The following ATXN7L1 variants were observed in gnomAD, a reference collection of about 807,000 sequenced individuals.
ATXN7L1 encodes ataxin 7 like 1.
ATXN7L1 carries 15 observed loss-of-function variants against 70.8 expected under a neutral mutation model. That is an observed-to-expected ratio of 0.21 (90% CI 0.14 to 0.33). The LOEUF is 0.33. ATXN7L1 is among the 10% of genes least tolerant of loss of function. The pLI, the probability that ATXN7L1 is intolerant of heterozygous loss-of-function variation, is 1.00. For synonymous variants in ATXN7L1, 440 were observed against 445.1 expected, an observed-to-expected ratio of 0.99 and a Z score of 0.14; for missense variants, 975 against 1,097.1, an observed-to-expected ratio of 0.89 and a Z score of 1.57.
In ATXN7L1 at chr7:105,614,156, G is replaced by C. The variant is rs147930086; in HGVS notation, c.2178C>G (p.Pro726=). ...PSGRTSLPGG[P]ADIVRQVGAV... is the part of the protein sequence containing the mutation. ...CGCCCACCTGTCTCACTATGTCCGC[G>C]GGGCCGCCGGGCAGCGAGGTCCGTC... is the stretch of plus-strand genomic sequence containing the variant. The change falls in exon 10 of 12, where the codon CCC becomes CCG. Residue 726 remains proline (P), a synonymous_variant. Transcript: ENST00000419735. The surrounding 1 kb of genome is among the most constrained non-coding windows in gnomAD (Gnocchi z 4.3). 1.1e-5 allele frequency: 17 copies of C among 1,551,558 alleles called. No individual in the cohort carries two copies. Among genetic ancestry groups the C allele is most frequent in the African/African-American group, 4.1e-5 (3 of 73,062 alleles).
intron 2 of ATXN7L1, among the ~76,000 whole-genome samples, chr7:105,821,046 G>A (rs969907309): frequency 6.6e-6 from 1 of 152,116 alleles, no homozygotes; most frequent in Non-Finnish European, 1.5e-5. Context: ...TGTTGCTGTT[G>A]TTTGTTTTTT....
intron 4 of ATXN7L1, among the ~76,000 whole-genome samples, chr7:105,647,230 A>AACATAACG (rs765370470): frequency 5.9e-5 from 9 of 152,244 alleles, no homozygotes; most frequent in Non-Finnish European, 1.2e-4. Flanking sequence ...GGTACGAGTT[A>AACATAACG]ACATAACGCC....
chr7:105,667,057 A>G (rs1302667921), intron 3 of ATXN7L1, among the ~76,000 whole-genome samples: 1 of 152,222 alleles, frequency 6.6e-6, no homozygotes, highest in Non-Finnish European at 1.5e-5. Flanking sequence ...TGATTCCTGG[A>G]TGTCAGAGCA....
intron 3 of ATXN7L1, among the ~76,000 whole-genome samples, chr7:105,786,878 C>T (rs1046569318): frequency 6.6e-6 from 1 of 152,190 alleles, no homozygotes; most frequent in African/African-American, 2.4e-5. Context: ...ATAACAGCTG[C>T]ACATCCTTGT....
intron 3 of ATXN7L1, among the ~76,000 whole-genome samples, chr7:105,779,337 C>T (rs1038503046): frequency 1.3e-5 from 2 of 152,176 alleles, no homozygotes; most frequent in Non-Finnish European, 2.9e-5. Context: ...AGCTTTATTG[C>T]TGTTATTTTT....
chr7:105,715,736 G>C (rs2116283563), intron 3 of ATXN7L1, among the ~76,000 whole-genome samples: 1 of 152,346 alleles, frequency 6.6e-6, no homozygotes, highest in Middle Eastern at 3.4e-3. Flanking sequence ...GTGACTAGTG[G>C]CATGTCATTA....
At chr7:105,733,500 ATCCTT>A (rs1796814368) in intron 3 of ATXN7L1, among the ~76,000 whole-genome samples, 1 of 140,954 alleles carries the variant, frequency 7.1e-6, no homozygotes, top group African/African-American at 2.7e-5. Flanking sequence ...CCACCCATCC[ATCCTT>A]CCATCCATCC....
At chr7:105,716,334 G>A (rs1794541439) in intron 3 of ATXN7L1, among the ~76,000 whole-genome samples, 1 of 152,058 alleles carries the variant, frequency 6.6e-6, no homozygotes, top group African/African-American at 2.4e-5. Flanking sequence ...GGGTGCAGGT[G>A]GCAAAATAGA....
At chr7:105,816,512 TATAA>T (rs1809217641) in intron 2 of ATXN7L1, among the ~76,000 whole-genome samples, 1 of 152,242 alleles carries the variant, frequency 6.6e-6, no homozygotes, top group African/African-American at 2.4e-5. Flanking sequence ...ATTCAGAACC[TATAA>T]ATGTGATTTT....
intron 3 of ATXN7L1, among the ~76,000 whole-genome samples, chr7:105,771,290 A>G (rs1425803620): frequency 6.6e-6 from 1 of 151,830 alleles, no homozygotes; most frequent in East Asian, 1.9e-4. Flanking sequence ...GATTTTTTGG[A>G]CGATGTATAT....
chr7:105,733,873 T>C (rs1386581532), intron 3 of ATXN7L1, among the ~76,000 whole-genome samples: 8 of 134,124 alleles, frequency 6.0e-5, no homozygotes, highest in African/African-American at 2.0e-4. Flanking sequence ...CATCCATCCA[T>C]CCATCCATCA....
intron 2 of ATXN7L1, among the ~76,000 whole-genome samples, chr7:105,819,128 G>A (rs1168816578): frequency 6.7e-6 from 1 of 150,064 alleles, no homozygotes; most frequent in Non-Finnish European, 1.5e-5. Flanking sequence ...GTGAGAACCT[G>A]CGGTGTTTGG....
chr7:105,743,450 CAGG>C (rs1448238682), intron 3 of ATXN7L1, among the ~76,000 whole-genome samples: 2 of 152,126 alleles, frequency 1.3e-5, no homozygotes, highest in Non-Finnish European at 2.9e-5. Context: ...AAGTCTTCTT[CAGG>C]AGAATTCTCG....
chr7:105,644,354 C>A (rs1015033335), intron 4 of ATXN7L1, among the ~76,000 whole-genome samples: 1 of 152,134 alleles, frequency 6.6e-6, no homozygotes, highest in African/African-American at 2.4e-5. Flanking sequence ...TCTTTGCCAG[C>A]GAGAAGGGCA....
At chr7:105,794,254 G>A (rs1288846370) in intron 2 of ATXN7L1, among the ~76,000 whole-genome samples, 1 of 152,106 alleles carries the variant, frequency 6.6e-6, no homozygotes, top group Non-Finnish European at 1.5e-5. Flanking sequence ...GGTCTGAGCT[G>A]GTCCTCAGTG....
rs535108533 is a variant in ATXN7L1, at chr7:105,844,608, A to G, written c.250+31204T>C. Among the ~76,000 whole-genome samples the G allele has an allele frequency of 1.6e-4, 24 of 152,342 alleles. No individual in the cohort carries two copies. The East Asian group carries it at 4.4e-3, about 28-fold the overall frequency. On this transcript the variant is annotated intron_variant, in intron 2 of 11. Coordinates refer to ENST00000419735, the MANE Select transcript of ATXN7L1 (RefSeq NM_020725.2). ...GATAAAGTGTATTTATGAAAAGCCC[A>G]CAGTTAATATCATACTTAATAGTAA...
intron 4 of ATXN7L1, among the ~76,000 whole-genome samples, chr7:105,659,512 C>T (rs1347610968): frequency 2.0e-5 from 3 of 152,064 alleles, no homozygotes; most frequent in East Asian, 3.9e-4. Flanking sequence ...AAAAGAAAGG[C>T]GATAGCATAT....
In ATXN7L1 at chr7:105,605,547, T is replaced by C. The variant is rs1168883182; in HGVS notation, c.*2305A>G. ...TAGAGAGCTACAATGTCTAAACCTATTGAATTGCTCCTTTAGTCCTTGAGA... is the reference window on the plus strand; with the variant it reads ...TAGAGAGCTACAATGTCTAAACCTACTGAATTGCTCCTTTAGTCCTTGAGA... On this transcript the variant is annotated 3_prime_UTR_variant, in exon 12 of 12. Coordinates refer to ENST00000419735, the MANE Select transcript of ATXN7L1 (RefSeq NM_020725.2). 1 of 151,350 alleles carries C rather than the reference T, an allele frequency of 6.6e-6. No individual in the cohort carries two copies. Among genetic ancestry groups the C allele is most frequent in the Non-Finnish European group, 1.5e-5 (1 of 67,808 alleles). 9.4% of individuals were successfully genotyped at this position (151,350 alleles called of 1,614,324 possible).
intron 2 of ATXN7L1, among the ~76,000 whole-genome samples, chr7:105,833,984 A>G (rs1812006385): frequency 6.6e-6 from 1 of 152,256 alleles, no homozygotes; most frequent in Admixed American, 6.5e-5. Flanking sequence ...TCAGTATTCA[A>G]CATGGTTTAC....
Sources: gnomAD v4.1 joint callset for allele counts (sites outside exome capture counted in the v4.1 genomes callset) on GRCh38, gnomAD v4.1.1 for gene constraint, Gnocchi (gnomAD v3.1) non-coding constraint, MANE v1.5 for transcripts, NCBI Gene and HGNC (gene_info 2026-07-23, HGNC 2026-07-21) for gene names.